Variants in CSMD3 observed in about 807,000 individuals in gnomAD.
CSMD3 encodes CUB and Sushi multiple domains 3.
A neutral mutation model predicts 435.2 loss-of-function variants in CSMD3; 177 were observed. The observed-to-expected ratio is 0.41, with a 90% confidence interval of 0.36 to 0.46. The LOEUF is 0.46. CSMD3 is among the 20% of genes least tolerant of loss of function. CSMD3 has a pLI of 0.34. For synonymous variants in CSMD3, 1,656 were observed against 1,520.5 expected (o/e 1.09, Z -2.07); for missense variants, 4,265 against 4,504.6 (o/e 0.95, Z 1.52).
chr8:112,852,536 C>T (rs919998410), intron 11 of CSMD3, among the ~76,000 whole-genome samples: 4 of 151,870 alleles, frequency 2.6e-5, no homozygotes, highest in South Asian at 4.2e-4. Context: ...ATCTTGAATA[C>T]GAGAAGTACT....
intron 27 of CSMD3, among the ~76,000 whole-genome samples, chr8:112,533,390 A>G (rs1006396535): frequency 2.0e-5 from 3 of 152,014 alleles, no homozygotes; most frequent in Admixed American, 6.6e-5. Context: ...ACTCATCTAT[A>G]AGGACATGCA....
At chr8:112,634,765 A>G (rs1044978311) in intron 22 of CSMD3, among the ~76,000 whole-genome samples, 1 of 151,766 alleles carries the variant, frequency 6.6e-6, no homozygotes, top group Non-Finnish European at 1.5e-5. Context: ...TTTTCAACCT[A>G]TGTAACGGCC....
At chr8:112,573,362 C>T in intron 24 of CSMD3, 139 bp downstream of exon 24, 1 of 813,678 alleles carries the variant, frequency 1.2e-6, no homozygotes. Flanking sequence ...TTGTTAGGGT[C>T]AAATAAAATT....
Position 112,706,245 on chromosome 8 carries a change from CA to C in CSMD3, c.1973-16196del, listed in dbSNP as rs952087724. 4.3e-4 allele frequency among the ~76,000 whole-genome samples: 64 copies of C among 148,618 alleles called. 1 individual carries two copies. The South Asian group carries it at 5.9e-3, about 14-fold the overall frequency. ...ATTCATTCAAATATCTATCACTATT[CA>C]AAAAAAAAATCTTGAAATTGTACTA... On this transcript the variant is annotated intron_variant, in intron 13 of 70. Transcript: ENST00000297405.
chr8:112,541,532 A>C (rs1826661561), intron 27 of CSMD3, among the ~76,000 whole-genome samples: 1 of 152,062 alleles, frequency 6.6e-6, no homozygotes, highest in East Asian at 1.9e-4. Flanking sequence ...AGAAATATAC[A>C]GTCTACCAAG....
At chr8:112,371,283 G>C (rs1304800785) in intron 38 of CSMD3, among the ~76,000 whole-genome samples, 1 of 152,154 alleles carries the variant, frequency 6.6e-6, no homozygotes, top group African/African-American at 2.4e-5. Flanking sequence ...AGAATGCAGA[G>C]ATCATTGATT....
intron 1 of CSMD3, among the ~76,000 whole-genome samples, chr8:113,402,421 A>G (rs1377314634): frequency 6.6e-6 from 1 of 151,378 alleles, no homozygotes; most frequent in Non-Finnish European, 1.5e-5. Flanking sequence ...TAAAATGCAG[A>G]TCTTCATAAC....
chr8:112,879,821 C>G (rs1161791498), intron 10 of CSMD3, among the ~76,000 whole-genome samples: 1 of 151,958 alleles, frequency 6.6e-6, no homozygotes, highest in Non-Finnish European at 1.5e-5. Flanking sequence ...AACACAGGAA[C>G]AGAAAACCAA....
intron 9 of CSMD3, among the ~76,000 whole-genome samples, chr8:112,933,928 A>G (rs972440606): frequency 6.6e-6 from 1 of 152,138 alleles, no homozygotes; most frequent in East Asian, 1.9e-4. Context: ...ATACAGAAGT[A>G]CACTAAAGGT....
chr8:113,147,422 T>G (rs936316797), intron 4 of CSMD3, among the ~76,000 whole-genome samples: 1 of 151,834 alleles, frequency 6.6e-6, no homozygotes, highest in African/African-American at 2.4e-5. Flanking sequence ...CTCTTCTTAC[T>G]TTCAGGATAT....
intron 5 of CSMD3, among the ~76,000 whole-genome samples, chr8:113,076,269 G>T (rs1214619771): frequency 2.0e-5 from 3 of 151,548 alleles, no homozygotes; most frequent in Non-Finnish European, 4.4e-5. Context: ...TCCTTTTGAA[G>T]TTGATAGCTT....
intron 58 of CSMD3, among the ~76,000 whole-genome samples, chr8:112,285,229 A>G (rs1819062795): frequency 6.6e-6 from 1 of 152,122 alleles, no homozygotes; most frequent in African/African-American, 2.4e-5. Flanking sequence ...AGCTGAACAA[A>G]GGACTGACTT....
At chr8:113,412,239 T>G (rs757619198) in intron 1 of CSMD3, among the ~76,000 whole-genome samples, 3 of 152,196 alleles carry the variant, frequency 2.0e-5, no homozygotes, top group Admixed American at 1.3e-4. Flanking sequence ...ATCAATCATA[T>G]GCAAGCAGAA....
At chr8:113,130,270 G>C (rs1431135362) in intron 4 of CSMD3, among the ~76,000 whole-genome samples, 2 of 152,116 alleles carry the variant, frequency 1.3e-5, no homozygotes, top group Non-Finnish European at 2.9e-5. Flanking sequence ...GATAGAGAGT[G>C]ATATGGTTTG....
chr8:112,243,579 A>C (rs1415173946), intron 65 of CSMD3, among the ~76,000 whole-genome samples: 1 of 152,018 alleles, frequency 6.6e-6, no homozygotes, highest in African/African-American at 2.4e-5. Context: ...ATCCATTCAA[A>C]ATTGTGGCAA....
chr8:112,892,608 A>G (rs2081830821), intron 10 of CSMD3, among the ~76,000 whole-genome samples: 1 of 151,518 alleles, frequency 6.6e-6, no homozygotes, highest in African/African-American at 2.4e-5. Flanking sequence ...ATCAACACCT[A>G]CTGCCAGCAC....
chr8:113,085,049 T>C (rs915460749), intron 5 of CSMD3, among the ~76,000 whole-genome samples: 1 of 152,074 alleles, frequency 6.6e-6, no homozygotes, highest in Non-Finnish European at 1.5e-5. Context: ...CTTGAGGACA[T>C]TGGTCTGTAC....
chr8:113,105,598 GAGATTTGTTCAGGTACCACTAGCT>G (rs2090451300), intron 4 of CSMD3, among the ~76,000 whole-genome samples: 1 of 152,170 alleles, frequency 6.6e-6, no homozygotes, highest in South Asian at 2.1e-4. Context: ...ACACAGGGCT[GAGATTTGTTCAGGTACCACTAGCT>G]AGAATATAGA....
chr8:112,694,386 C>T (rs897939784), intron 13 of CSMD3, among the ~76,000 whole-genome samples: 2 of 151,860 alleles, frequency 1.3e-5, no homozygotes, highest in Admixed American at 1.3e-4. Flanking sequence ...TTAGGAATAC[C>T]CTACAGCCTC....
Sources: gnomAD v4.1 joint callset for allele counts (sites outside exome capture counted in the v4.1 genomes callset) on GRCh38, gnomAD v4.1.1 for gene constraint, MANE v1.5 for transcripts, NCBI Gene and HGNC (gene_info 2026-07-23, HGNC 2026-07-21) for gene names.